ZMYND8: variants seen among roughly 807,000 people sequenced by gnomAD.
ZMYND8 encodes zinc finger MYND-type containing 8.
A neutral mutation model predicts 140.8 loss-of-function variants in ZMYND8; 37 were observed. The observed-to-expected ratio is 0.26, with a 90% CI of 0.20 to 0.35. The LOEUF is 0.35. Among genes scored for constraint, ZMYND8 ranks in the 10% least tolerant of loss-of-function variants. ZMYND8 has a pLI of 1.00. For missense variants in ZMYND8, 1,068 were observed against 1,570.0 expected (o/e 0.68, Z 5.40); for synonymous variants, 592 against 597.1 (o/e 0.99, Z 0.12).
chr20:47,227,386 T>C (rs2037852854), intron 17 of ZMYND8, 105 bp from the exon 18 acceptor site: 1 of 1,052,540 alleles, frequency 9.5e-7, no homozygotes, highest in South Asian at 1.3e-5. Context: ...GGAATCATGC[T>C]AACCTTCCCA....
chr20:47,210,673 GC>G lies in ZMYND8; in HGVS notation c.*87del, dbSNP rs2035110779. ...TTTGTCATTTTCAAGTCTGAAAGTG[GC>G]TGTTCTCCTGCCTTTGTTGTTTCTT... On this transcript the variant is annotated 3_prime_UTR_variant, in exon 23 of 23. Coordinates refer to ENST00000471951, the MANE Select transcript of ZMYND8 (RefSeq NM_001281775.3). 1.9e-6 allele frequency: 3 copies of G among 1,607,156 alleles called. No homozygotes were observed. The highest frequency in any genetic ancestry group is 2.6e-6 in the Non-Finnish European group (3 of 1,174,604).
chr20:47,255,546 C>T (rs1477377837), intron 12 of ZMYND8, among the ~76,000 whole-genome samples: 3 of 121,328 alleles, frequency 2.5e-5, no homozygotes, highest in African/African-American at 1.0e-4. Flanking sequence ...ATATACACAC[C>T]ATATACATAT....
chr20:47,355,023 C>T (rs2083103976), intron 1 of ZMYND8, among the ~76,000 whole-genome samples: 1 of 152,088 alleles, frequency 6.6e-6, no homozygotes, highest in South Asian at 2.1e-4. Context: ...AGCACACTGA[C>T]ACCACCCCCC....
chr20:47,346,719 GC>G (rs2082361809), intron 2 of ZMYND8, among the ~76,000 whole-genome samples: 1 of 152,050 alleles, frequency 6.6e-6, no homozygotes, highest in Admixed American at 6.6e-5. Context: ...TGATTCTCCT[GC>G]CTCAACCTCC....
intron 3 of ZMYND8, among the ~76,000 whole-genome samples, chr20:47,308,214 G>A (rs1041227132): frequency 2.8e-5 from 4 of 143,818 alleles, no homozygotes; most frequent in African/African-American, 8.1e-5. Flanking sequence ...CATCTTGGAC[G>A]TGAGGTTTTT....
At chr20:47,264,071 C>A (rs1302878042) in intron 11 of ZMYND8, among the ~76,000 whole-genome samples, 2 of 151,972 alleles carry the variant, frequency 1.3e-5, no homozygotes, top group Non-Finnish European at 2.9e-5. Context: ...ACAGAGCGGC[C>A]CCCCACAAGA....
At chr20:47,246,566 A>G (rs1249594326) in intron 13 of ZMYND8, 49 bp from the exon 14 acceptor site, 1 of 1,519,808 alleles carries the variant, frequency 6.6e-7, no homozygotes, top group South Asian at 1.3e-5. Flanking sequence ...CAAAATAAAG[A>G]GCAGGATGAA....
chr20:47,239,200 G>C, intron 14 of ZMYND8, 62 bp from the exon 15 acceptor site: 1 of 1,462,446 alleles, frequency 6.8e-7, no homozygotes. Context: ...CACCTGCACG[G>C]TCTTGACGCC....
At chr20:47,295,682 C>T (rs1314902563) in intron 4 of ZMYND8, among the ~76,000 whole-genome samples, 1 of 152,208 alleles carries the variant, frequency 6.6e-6, no homozygotes, top group Non-Finnish European at 1.5e-5. Context: ...ACACAAGGAG[C>T]ACAACCTAAC....
chr20:47,299,567 A>AT (rs112728686), intron 3 of ZMYND8, among the ~76,000 whole-genome samples: 5 of 150,594 alleles, frequency 3.3e-5, no homozygotes, highest in South Asian at 2.1e-4. Context: ...TGGTTACCTA[A>AT]TTTTTTTTTT....
intron 19 of ZMYND8, among the ~76,000 whole-genome samples, chr20:47,222,601 G>A (rs926937388): frequency 1.3e-5 from 2 of 152,092 alleles, no homozygotes; most frequent in Non-Finnish European, 2.9e-5. Context: ...ATGTAATTAT[G>A]TCACAAAAAA....
At position 47,313,944 on chromosome 20, in the gene ZMYND8, TAATA is replaced by T. The variant is rs374359380; in HGVS notation, c.86-3744_86-3741del. ...CAAGACTCCGTCTCAAAAAAATTAATAATAAATAAAGTGTATCTAGCACCATTAA... is the reference window on the plus strand; with the variant it reads ...CAAGACTCCGTCTCAAAAAAATTAATAATAAAGTGTATCTAGCACCATTAA... On this transcript the variant is annotated intron_variant, in intron 2 of 22. Coordinates refer to ENST00000471951, the MANE Select transcript of ZMYND8 (RefSeq NM_001281775.3). 5.8e-3 allele frequency among the ~76,000 whole-genome samples: 874 copies of T among 151,930 alleles called. 7 individuals carry two copies. Among genetic ancestry groups the T allele is most frequent in the African/African-American group, 0.02 (842 of 41,452 alleles).
intron 2 of ZMYND8, among the ~76,000 whole-genome samples, chr20:47,315,148 C>T (rs1287233231): frequency 6.6e-6 from 1 of 151,974 alleles, no homozygotes; most frequent in African/African-American, 2.4e-5. Flanking sequence ...TACTTGTAAG[C>T]GATTTAGAGT....
chr20:47,238,666 A>T, intron 15 of ZMYND8, 92 bp downstream of exon 15: 3 of 435,702 alleles, frequency 6.9e-6, no homozygotes, highest in Non-Finnish European at 1.0e-5. Flanking sequence ...AACGAGAACT[A>T]AAAAAAAAAA....
chr20:47,252,306 A>C (rs1265780007), intron 12 of ZMYND8, among the ~76,000 whole-genome samples: 1 of 150,756 alleles, frequency 6.6e-6, no homozygotes, highest in Non-Finnish European at 1.5e-5. Context: ...AAAAAAAAAA[A>C]AAAAAAAAGC....
At chr20:47,318,592 T>C (rs2079611391) in intron 2 of ZMYND8, 1 of 387,618 alleles carries the variant, frequency 2.6e-6, no homozygotes, top group Non-Finnish European at 5.1e-6. Flanking sequence ...CAGGAGGAAC[T>C]TGTAAATGAA....
chr20:47,349,974 C>G lies in ZMYND8; in HGVS notation c.15-2048G>C, dbSNP rs2082638250. 11 of 1,526,328 alleles carry G rather than the reference C, an allele frequency of 7.2e-6. No homozygotes were observed. The Admixed American group carries it at 2.2e-4, about 31-fold the overall frequency. 94.5% of individuals were successfully genotyped at this position (1,526,328 alleles called of 1,614,324 possible). Reference sequence around the variant, plus strand: ...AACAGCCTAGAGGAGCTGAATACTTCAGGCAGGAATGCTGCTGAGAGACGA... The same window carrying G: ...AACAGCCTAGAGGAGCTGAATACTTGAGGCAGGAATGCTGCTGAGAGACGA... On this transcript the variant is annotated intron_variant, in intron 1 of 22. Coordinates refer to ENST00000471951, the MANE Select transcript of ZMYND8 (RefSeq NM_001281775.3).
At chr20:47,290,384 G>C (rs937207345) in intron 6 of ZMYND8, 110 bp from the exon 7 acceptor site, 18 of 847,676 alleles carry the variant, frequency 2.1e-5, no homozygotes, top group Non-Finnish European at 3.1e-5. Context: ...AAATCAATTA[G>C]TGTTCTTCTA....
chr20:47,282,327 G>T, intron 9 of ZMYND8, 110 bp from the exon 10 acceptor site: 1 of 883,078 alleles, frequency 1.1e-6, no homozygotes, highest in Non-Finnish European at 1.7e-6. Flanking sequence ...GGCCATGAGT[G>T]GAAAAAGAGT....
Sources: allele counts gnomAD v4.1 joint callset (sites outside exome capture counted in the v4.1 genomes callset), GRCh38; gene constraint gnomAD v4.1.1; transcripts MANE v1.5; gene names NCBI Gene and HGNC (gene_info 2026-07-23, HGNC 2026-07-21).